PUM3: variants seen among roughly 807,000 people sequenced by gnomAD.
PUM3 encodes the protein pumilio RNA binding family member 3, also known as pumilio homolog 3.
A neutral mutation model predicts 84.0 loss-of-function variants in PUM3; 91 were observed. The observed-to-expected ratio is 1.08, with a 90% confidence interval of 0.91 to 1.29. The LOEUF (loss-of-function observed/expected upper bound fraction) is 1.29. Among genes scored for constraint, PUM3 ranks in the 50% most tolerant of loss-of-function variants. The probability of loss-of-function intolerance (pLI) is 0.00; values close to 1 mark genes in which losing one functional copy is unlikely to be tolerated. For missense variants in PUM3, 1,067 were observed against 767.5 expected (o/e 1.39, Z -4.61); for synonymous variants, 321 against 266.7 (o/e 1.20, Z -1.98).
chr9:2,832,275 A>C (rs1816003954), intron 5 of PUM3, among the ~76,000 whole-genome samples: 1 of 152,218 alleles, frequency 6.6e-6, no homozygotes, highest in Non-Finnish European at 1.5e-5. Flanking sequence ...TTATAACTCA[A>C]AGCAACAATA....
intron 2 of PUM3, 127 bp downstream of exon 2, chr9:2,838,299 A>G (rs1054788137): frequency 1.4e-6 from 1 of 716,908 alleles, no homozygotes; most frequent in Non-Finnish European, 2.5e-6. Flanking sequence ...CTCATACACA[A>G]TAACACATAC....
At chr9:2,816,109 A>C (rs929595035) in intron 13 of PUM3, among the ~76,000 whole-genome samples, 1 of 151,800 alleles carries the variant, frequency 6.6e-6, no homozygotes, top group Non-Finnish European at 1.5e-5. Context: ...CAACCCATCC[A>C]TGGTGCTGAA....
At chr9:2,811,892 C>A (rs1345013653) in intron 14 of PUM3, among the ~76,000 whole-genome samples, 1 of 143,290 alleles carries the variant, frequency 7.0e-6, no homozygotes, top group African/African-American at 2.6e-5. Flanking sequence ...CAGAAAACAA[C>A]ACATTTACAC....
chr9:2,809,108 C>T (rs1348056829), intron 16 of PUM3, among the ~76,000 whole-genome samples: 1 of 152,164 alleles, frequency 6.6e-6, no homozygotes, highest in Non-Finnish European at 1.5e-5. Flanking sequence ...CCCTAGATGA[C>T]TCTGACTCTG....
intron 17 of PUM3, among the ~76,000 whole-genome samples, chr9:2,806,794 G>C (rs1821267032): frequency 6.6e-6 from 1 of 152,162 alleles, no homozygotes; most frequent in South Asian, 2.1e-4. Flanking sequence ...CACTTCAGTA[G>C]CAAATGCTCT....
chr9:2,839,380 G>T (rs1332869233), intron 1 of PUM3, among the ~76,000 whole-genome samples: 1 of 152,146 alleles, frequency 6.6e-6, no homozygotes, highest in African/African-American at 2.4e-5. Context: ...GCCCATTCAA[G>T]AACTAATTTC....
At chr9:2,824,088 C>A (rs1426392727) in intron 11 of PUM3, among the ~76,000 whole-genome samples, 1 of 150,498 alleles carries the variant, frequency 6.6e-6, no homozygotes, top group East Asian at 1.9e-4. Flanking sequence ...GGTTTGCAAG[C>A]CACCTTTCAC....
Position 2,824,757 on chromosome 9 carries a change from G to T in PUM3, c.1094C>A (p.Ala365Asp). The change falls in exon 11 of 18, where the codon GCC (alanine) becomes GAC (aspartate). Residue 365 changes from alanine to aspartate, a missense_variant. Ala to Asp is a moderately radical substitution (Grantham distance 126, BLOSUM62 -2). Coordinates refer to ENST00000397885, the MANE Select transcript of PUM3 (RefSeq NM_014878.5). ...VVYLAHTHDG[A>D]RVAMHCLWHG... ...CCACAGGCAGTGCATGGCCACTCTG[G>T]CGCCATCGTGTGTGTGTGCCAGGTA... The T allele has an allele frequency of 6.3e-7, 1 of 1,588,962 alleles. No individual in the cohort carries two copies. Among genetic ancestry groups the T allele is most frequent in the Non-Finnish European group, 8.6e-7 (1 of 1,164,236 alleles).
intron 5 of PUM3, among the ~76,000 whole-genome samples, chr9:2,831,740 G>C (rs1451181888): frequency 6.6e-6 from 1 of 152,130 alleles, no homozygotes; most frequent in Admixed American, 6.5e-5. Context: ...TTATATAAGT[G>C]ATCTAAGAAT....
At chr9:2,808,682 G>A (rs1352545713) in intron 16 of PUM3, among the ~76,000 whole-genome samples, 1 of 152,162 alleles carries the variant, frequency 6.6e-6, no homozygotes, top group African/African-American at 2.4e-5. Flanking sequence ...GCCTTTCATG[G>A]TACCTGCTAA....
chr9:2,833,267 T>A, intron 5 of PUM3, 90 bp downstream of exon 5: 1 of 584,326 alleles, frequency 1.7e-6, no homozygotes, highest in Non-Finnish European at 3.0e-6. Context: ...GAAACAATGA[T>A]AAGATCATCT....
intron 13 of PUM3, among the ~76,000 whole-genome samples, chr9:2,817,688 T>C (rs928075562): frequency 6.6e-6 from 1 of 152,176 alleles, no homozygotes; most frequent in Non-Finnish European, 1.5e-5. Context: ...TCATAGTAGA[T>C]ATGGGGCGAT....
At chr9:2,838,286 T>A in intron 2 of PUM3, 140 bp downstream of exon 2, 1 of 641,988 alleles carries the variant, frequency 1.6e-6, no homozygotes, top group Non-Finnish European at 2.8e-6. Flanking sequence ...AGCAACATGT[T>A]AACTCATACA....
At position 2,810,343 on chromosome 9, in the gene PUM3, C is replaced by T. The variant is rs752640872; in HGVS notation, c.1723+1G>A. 1.3e-6 allele frequency: 2 copies of T among 1,583,764 alleles called. No individual in the cohort carries two copies. The highest frequency in any genetic ancestry group is 1.3e-5 in the African/African-American group (1 of 74,298). On this transcript the variant is annotated splice_donor_variant, in intron 16 of 17. Coordinates refer to ENST00000397885, the MANE Select transcript of PUM3 (RefSeq NM_014878.5). LOFTEE classifies it high-confidence loss of function. The stretch of plus-strand genomic sequence containing the variant: ...AGAAAAGGTCAAATTTCATAGCCTA[C>T]CTTCTCTCCCATTTTCTTTCATCTT...
At chr9:2,840,148 C>G (rs1273035100) in intron 1 of PUM3, among the ~76,000 whole-genome samples, 1 of 152,194 alleles carries the variant, frequency 6.6e-6, no homozygotes, top group Non-Finnish European at 1.5e-5. Flanking sequence ...TGGTAGTACT[C>G]TATCAAGAGG....
At chr9:2,823,947 T>C (rs958135566) in intron 11 of PUM3, 113 bp from the exon 12 acceptor site, 2 of 551,472 alleles carry the variant, frequency 3.6e-6, no homozygotes, top group African/African-American at 3.9e-5. Flanking sequence ...GCATATGTTT[T>C]CATTAGTAAA....
intron 17 of PUM3, among the ~76,000 whole-genome samples, chr9:2,804,701 A>T (rs1298289207): frequency 2.6e-5 from 4 of 152,194 alleles, no homozygotes; most frequent in Non-Finnish European, 5.9e-5. Flanking sequence ...TGTAGGACCA[A>T]CATCATTCCA....
In PUM3 at chr9:2,804,220, T is replaced by C; in HGVS notation, c.*111A>G. On this transcript the variant is annotated 3_prime_UTR_variant, in exon 18 of 18. Coordinates refer to ENST00000397885, the MANE Select transcript of PUM3 (RefSeq NM_014878.5). Reference sequence around the variant, plus strand: ...TTCGTATACAAAGAAGAAACACATATACAGAGTACCCCAATTACCAGTATG... The same window carrying C: ...TTCGTATACAAAGAAGAAACACATACACAGAGTACCCCAATTACCAGTATG... 1 of 1,057,382 alleles carries C rather than the reference T, an allele frequency of 9.5e-7. No individual in the cohort carries two copies. The highest frequency in any genetic ancestry group is 3.2e-4 in the Middle Eastern group (1 of 3,106). 65.5% of individuals were successfully genotyped at this position (1,057,382 alleles called of 1,614,324 possible).
intron 13 of PUM3, among the ~76,000 whole-genome samples, chr9:2,817,923 C>T (rs1330489852): frequency 6.6e-6 from 1 of 152,202 alleles, no homozygotes; most frequent in Non-Finnish European, 1.5e-5. Context: ...TGCTGTCAAA[C>T]CGTCTGCATA....
Sources: allele counts gnomAD v4.1 joint callset (sites outside exome capture counted in the v4.1 genomes callset), GRCh38; gene constraint gnomAD v4.1.1; transcripts MANE v1.5; gene names NCBI Gene and HGNC (gene_info 2026-07-23, HGNC 2026-07-21).